CACNA2D3: variants seen among roughly 807,000 people sequenced by gnomAD.
CACNA2D3 encodes voltage-dependent calcium channel subunit alpha-2/delta-3.
CACNA2D3 carries 60 observed loss-of-function variants against 160.6 expected under a neutral mutation model. The ratio of observed to expected loss-of-function variants is 0.37; its 90% CI spans 0.30 to 0.46. The LOEUF is 0.46. Ranked by LOEUF, CACNA2D3 falls within the 20% of genes least tolerant of loss-of-function variation. CACNA2D3 has a pLI of 1.00. For synonymous variants in CACNA2D3, 558 were observed against 492.9 expected (o/e 1.13, Z -1.75); for missense variants, 1,205 against 1,365.0 (o/e 0.88, Z 1.85).
intron 2 of CACNA2D3, among the ~76,000 whole-genome samples, chr3:54,156,107 ATT>A (rs1250467488): frequency 2.6e-5 from 4 of 152,188 alleles, no homozygotes. Context: ...CAGTCTTCAA[ATT>A]GCCCAGGTGT....
intron 8 of CACNA2D3, among the ~76,000 whole-genome samples, chr3:54,579,495 C>T (rs1048274707): frequency 6.6e-6 from 1 of 152,212 alleles, no homozygotes; most frequent in African/African-American, 2.4e-5. Flanking sequence ...TTCATTGAAA[C>T]TGCCCATCAA....
intron 2 of CACNA2D3, among the ~76,000 whole-genome samples, chr3:54,256,087 C>T (rs1702288366): frequency 6.6e-6 from 1 of 152,110 alleles, no homozygotes; most frequent in African/African-American, 2.4e-5. Context: ...GGGCTATAGC[C>T]TGAGAAAAGG....
chr3:54,136,503 A>G (rs892177055), intron 2 of CACNA2D3, among the ~76,000 whole-genome samples: 4 of 152,240 alleles, frequency 2.6e-5, no homozygotes, highest in Admixed American at 2.6e-4. Flanking sequence ...TTCAACAAAC[A>G]TCCATTGAAT....
At chr3:55,040,990 CA>C (rs1335095452) in intron 35 of CACNA2D3, among the ~76,000 whole-genome samples, 4 of 152,050 alleles carry the variant, frequency 2.6e-5, no homozygotes, top group African/African-American at 4.8e-5. Context: ...GAAATGTATT[CA>C]TTTTTTTCAT....
chr3:54,258,751 T>C (rs899658173), intron 2 of CACNA2D3, among the ~76,000 whole-genome samples: 1 of 152,170 alleles, frequency 6.6e-6, no homozygotes, highest in African/African-American at 2.4e-5. Flanking sequence ...TGCTTGGTCA[T>C]GTAAGTGTTT....
At chr3:54,350,997 T>TG (rs1698553342) in intron 3 of CACNA2D3, among the ~76,000 whole-genome samples, 1 of 120,998 alleles carries the variant, frequency 8.3e-6, no homozygotes, top group Non-Finnish European at 1.7e-5. Context: ...TTTTTTTTTT[T>TG]TTTTTTTTTG....
chr3:54,621,463 G>T (rs903167666), intron 9 of CACNA2D3, among the ~76,000 whole-genome samples: 5 of 152,238 alleles, frequency 3.3e-5, no homozygotes, highest in Non-Finnish European at 7.3e-5. Flanking sequence ...CTTTGGAAGC[G>T]AGGCTTTTTC....
chr3:55,073,344 A>G (rs1381631081), intron 35 of CACNA2D3, 101 bp from the exon 36 acceptor site: 1 of 686,694 alleles, frequency 1.5e-6, no homozygotes, highest in African/African-American at 2.3e-5. Context: ...AATTTGCTTT[A>G]CAAAATATGG....
At chr3:55,036,491 G>A (rs545581843) in intron 35 of CACNA2D3, among the ~76,000 whole-genome samples, 38 of 149,272 alleles carry the variant, frequency 2.5e-4, no homozygotes, top group Admixed American at 6.7e-4. Context: ...TTTTTGAGAC[G>A]GAGTCTCACT....
At chr3:54,316,542 C>T (rs1415861457) in intron 2 of CACNA2D3, among the ~76,000 whole-genome samples, 1 of 152,180 alleles carries the variant, frequency 6.6e-6, no homozygotes, top group Non-Finnish European at 1.5e-5. Context: ...TTGCAAGAAA[C>T]ACCTGTGGGT....
rs1699838278 is a variant in CACNA2D3, at chr3:54,883,027, T to TTG, written c.1912+2177_1912+2178dup. 2.6e-5 allele frequency among the ~76,000 whole-genome samples: 4 copies of TTG among 152,060 alleles called. No homozygotes were observed. In the South Asian group the frequency reaches 8.3e-4, roughly 32 times the overall value. On this transcript the variant is annotated intron_variant, in intron 21 of 37. Transcript: ENST00000474759. ...ATCTTTTTCAACACTTTGTATCTTT[T>TTG]TGTGTGTGTGTGTGATGGAGTCTTG...
At chr3:54,762,597 T>G (rs774104623) in intron 12 of CACNA2D3, among the ~76,000 whole-genome samples, 4 of 152,232 alleles carry the variant, frequency 2.6e-5, no homozygotes, top group Admixed American at 6.5e-5. Flanking sequence ...AATGTGTGAA[T>G]GAAGGGCTCC....
At chr3:54,139,918 A>G (rs1039859714) in intron 2 of CACNA2D3, among the ~76,000 whole-genome samples, 3 of 152,200 alleles carry the variant, frequency 2.0e-5, no homozygotes, top group Admixed American at 6.5e-5. Context: ...TGGGCCAGAC[A>G]TAAGCAATGG....
At chr3:54,638,652 G>C (rs968389056) in intron 10 of CACNA2D3, 1 of 151,890 alleles carries the variant, frequency 6.6e-6, no homozygotes, top group Non-Finnish European at 1.5e-5. Flanking sequence ...GAAGATTTGG[G>C]ACGAGTTGCA....
intron 27 of CACNA2D3, among the ~76,000 whole-genome samples, chr3:54,962,269 T>C (rs1051207783): frequency 6.6e-6 from 1 of 152,172 alleles, no homozygotes; most frequent in Admixed American, 6.5e-5. Context: ...GGAAAAAGAT[T>C]AATTCTCTAA....
intron 11 of CACNA2D3, among the ~76,000 whole-genome samples, chr3:54,648,816 A>G (rs992831005): frequency 1.3e-5 from 2 of 152,160 alleles, no homozygotes; most frequent in South Asian, 4.1e-4. Flanking sequence ...ACATGGTGAG[A>G]GAGGAGGAGG....
chr3:54,479,046 CAT>C (rs1041540832), intron 4 of CACNA2D3, among the ~76,000 whole-genome samples: 2 of 151,864 alleles, frequency 1.3e-5, no homozygotes, highest in Non-Finnish European at 2.9e-5. Flanking sequence ...TACCATAACA[CAT>C]GTGTTGTGGG....
intron 2 of CACNA2D3, among the ~76,000 whole-genome samples, chr3:54,246,563 G>GCTGT (rs1343090728): frequency 1.5e-3 from 3 of 1,972 alleles, no homozygotes; most frequent in Non-Finnish European, 4.4e-3. Context: ...CGTGGTTGCG[G>GCTGT]CTGTCTGTAA....
chr3:54,347,129 C>T (rs1166552975), intron 3 of CACNA2D3, among the ~76,000 whole-genome samples: 6 of 152,190 alleles, frequency 3.9e-5, no homozygotes, highest in Non-Finnish European at 8.8e-5. Context: ...ACAGACAGCA[C>T]TGTGCTGCAT....
Sources: gnomAD v4.1 joint callset for allele counts (sites outside exome capture counted in the v4.1 genomes callset) on GRCh38, gnomAD v4.1.1 for gene constraint, MANE v1.5 for transcripts, NCBI Gene and HGNC (gene_info 2026-07-23, HGNC 2026-07-21) for gene names.